The following GRIK3 variants were observed in gnomAD, a reference collection of about 807,000 sequenced individuals.
GRIK3 encodes glutamate receptor ionotropic, kainate 3.
In GRIK3, 29 loss-of-function variants were observed where a neutral mutation model predicts 102.5. The observed-to-expected ratio is 0.28, with a 90% CI of 0.21 to 0.39. GRIK3 has a LOEUF of 0.39. Among genes scored for constraint, GRIK3 ranks in the 10% least tolerant of loss-of-function variants. The pLI, the probability that GRIK3 is intolerant of heterozygous loss-of-function variation, is 1.00. For synonymous variants in GRIK3, 511 were observed against 504.9 expected (o/e 1.01, Z -0.16); for missense variants, 908 against 1,252.4 (o/e 0.73, Z 4.15).
At chr1:37,015,519 C>A (rs925402919) in intron 1 of GRIK3, among the ~76,000 whole-genome samples, 1 of 152,190 alleles carries the variant, frequency 6.6e-6, no homozygotes, top group African/African-American at 2.4e-5. Flanking sequence ...GCTGGGGAGC[C>A]AGTGCTTTGT....
intron 1 of GRIK3, among the ~76,000 whole-genome samples, chr1:36,916,906 A>G (rs563157902): frequency 6.6e-6 from 1 of 152,304 alleles, no homozygotes; most frequent in South Asian, 2.1e-4. Flanking sequence ...AGCTATGAGA[A>G]GAGGGCCACC....
intron 9 of GRIK3, among the ~76,000 whole-genome samples, chr1:36,847,246 G>T (rs1299770690): frequency 6.6e-6 from 1 of 152,116 alleles, no homozygotes; most frequent in Admixed American, 6.5e-5. Context: ...AGGAGACTAG[G>T]ACTATGAGGG....
intron 8 of GRIK3, among the ~76,000 whole-genome samples, chr1:36,852,394 G>A (rs1640595844): frequency 6.6e-6 from 1 of 152,214 alleles, no homozygotes; most frequent in Non-Finnish European, 1.5e-5. Context: ...GTGGGCAATG[G>A]CCTGGAGGTC....
intron 15 of GRIK3, among the ~76,000 whole-genome samples, chr1:36,803,344 G>A (rs1344207327): frequency 1.3e-5 from 2 of 152,302 alleles, no homozygotes; most frequent in South Asian, 2.1e-4. Flanking sequence ...AGGAGAGTGA[G>A]GGAAGGAAGT....
At chr1:36,950,502 T>A (rs1400009855) in intron 1 of GRIK3, among the ~76,000 whole-genome samples, 2 of 152,212 alleles carry the variant, frequency 1.3e-5, no homozygotes, top group Admixed American at 1.3e-4. Context: ...TTTAAGCCCA[T>A]CTTTCCACAC....
intron 1 of GRIK3, among the ~76,000 whole-genome samples, chr1:36,974,714 G>C (rs1642177013): frequency 6.6e-6 from 1 of 151,690 alleles, no homozygotes. Flanking sequence ...GCAGGAGAAT[G>C]GTGTGGACCC....
intron 1 of GRIK3, among the ~76,000 whole-genome samples, chr1:36,991,572 A>G (rs1642363576): frequency 6.6e-6 from 1 of 152,218 alleles, no homozygotes; most frequent in Admixed American, 6.5e-5. Flanking sequence ...TGTGAAAAGC[A>G]ACGTGCCTAC....
intron 5 of GRIK3, among the ~76,000 whole-genome samples, chr1:36,865,744 A>G (rs1415859929): frequency 1.3e-5 from 2 of 152,246 alleles, no homozygotes; most frequent in Non-Finnish European, 2.9e-5. Context: ...GTCAGGAGCC[A>G]AGGCCTCTTG....
intron 2 of GRIK3, among the ~76,000 whole-genome samples, chr1:36,884,608 C>A (rs1473611309): frequency 6.6e-6 from 1 of 152,168 alleles, no homozygotes; most frequent in Admixed American, 6.5e-5. Context: ...GCCGTGGGCA[C>A]CCTGTAAACC....
intron 1 of GRIK3, among the ~76,000 whole-genome samples, chr1:36,984,987 C>A (rs775133899): frequency 2.0e-4 from 31 of 152,116 alleles, no homozygotes; most frequent in Non-Finnish European, 2.9e-5. Context: ...TGGGCAGGGA[C>A]CAGCACAGTG....
At chr1:37,002,232 A>G (rs1642485487) in intron 1 of GRIK3, among the ~76,000 whole-genome samples, 2 of 152,194 alleles carry the variant, frequency 1.3e-5, no homozygotes, top group South Asian at 4.1e-4. Flanking sequence ...AACAAAGAAA[A>G]AATTAGATTT....
intron 1 of GRIK3, among the ~76,000 whole-genome samples, chr1:37,033,206 C>T (rs1286377413): frequency 2.0e-5 from 3 of 152,264 alleles, no homozygotes; most frequent in Admixed American, 2.0e-4. Flanking sequence ...CGCGGAGAAG[C>T]CGGAGCCCCG....
In GRIK3 at chr1:36,825,671, G is replaced by A; in HGVS notation, c.1686C>T (p.Ser562=). 1 of 1,613,292 alleles carries A rather than the reference G, an allele frequency of 6.2e-7. No individual in the cohort carries two copies. Among genetic ancestry groups the A allele is most frequent in the Non-Finnish European group, 8.5e-7 (1 of 1,179,636 alleles). ...PSVFSFLNPL[S]PDIWMYVLLA... The stretch of plus-strand genomic sequence containing the variant: ...GGAGAACATACATCCAGATGTCTGG[G>A]GACAGGGGATTGAGGAAGGAGAAGA... The change falls in exon 11 of 16, where the codon TCC becomes TCT. Residue 562 remains serine, a synonymous_variant. Coordinates refer to ENST00000373091, the MANE Select transcript of GRIK3 (RefSeq NM_000831.4).
Position 36,802,058 on chromosome 1 carries a change from G to A in GRIK3, c.2566-13C>T. 1.3e-6 allele frequency: 2 copies of A among 1,591,966 alleles called. No homozygotes were observed. The highest frequency in any genetic ancestry group is 8.6e-7 in the Non-Finnish European group (1 of 1,167,726). ...TGCAGAAGGAACGCTGCAGGAGGGTGGAGGAGAGGGGTCGGAAAAGGGGCA... is the reference window on the plus strand; with the variant it reads ...TGCAGAAGGAACGCTGCAGGAGGGTAGAGGAGAGGGGTCGGAAAAGGGGCA... On this transcript the variant is annotated splice_polypyrimidine_tract_variant and intron_variant, in intron 15 of 15. Transcript: ENST00000373091.
At chr1:36,954,922 C>G (rs764847012) in intron 1 of GRIK3, among the ~76,000 whole-genome samples, 2 of 152,338 alleles carry the variant, frequency 1.3e-5, no homozygotes, top group South Asian at 4.1e-4. Context: ...TGCACATGCA[C>G]GTTCACACAC....
chr1:36,850,219 TGG>T lies in GRIK3; in HGVS notation c.1326+90_1326+91del, dbSNP rs1419141031. 1 of 776,390 alleles carries T rather than the reference TGG, an allele frequency of 1.3e-6. No individual in the cohort carries two copies. Among genetic ancestry groups the T allele is most frequent in the African/African-American group, 1.7e-5 (1 of 58,794 alleles). 48.1% of individuals were successfully genotyped at this position (776,390 alleles called of 1,614,324 possible). A position where few individuals can be genotyped will look rare whatever the true frequency, so the allele number is the denominator to read the frequency against. On this transcript the variant is annotated intron_variant, in intron 9 of 15. Coordinates refer to ENST00000373091, the MANE Select transcript of GRIK3 (RefSeq NM_000831.4). The surrounding 1 kb of genome is among the most constrained non-coding windows in gnomAD (Gnocchi z 4.0). ...CCACCTACCTGCAGCCTCCATCTTC[TGG>T]GTGGGGGGGATAGAGGGGACTCTCC...
intron 3 of GRIK3, among the ~76,000 whole-genome samples, chr1:36,878,822 G>T (rs1392464106): frequency 6.6e-6 from 1 of 152,206 alleles, no homozygotes; most frequent in Non-Finnish European, 1.5e-5. Flanking sequence ...CATCGCTCCA[G>T]GGAGTTACTA....
intron 1 of GRIK3, among the ~76,000 whole-genome samples, chr1:36,928,492 C>T (rs1014867617): frequency 6.6e-6 from 1 of 152,226 alleles, no homozygotes; most frequent in African/African-American, 2.4e-5. Context: ...ATGTCCTTAG[C>T]TTTGGAGTTA....
chr1:36,973,893 T>A (rs1467588039), intron 1 of GRIK3, among the ~76,000 whole-genome samples: 1 of 152,166 alleles, frequency 6.6e-6, no homozygotes, highest in Non-Finnish European at 1.5e-5. Context: ...TTGTCTCACC[T>A]GAATTTTGGG....
Sources: allele counts gnomAD v4.1 joint callset (sites outside exome capture counted in the v4.1 genomes callset), GRCh38; gene constraint gnomAD v4.1.1; non-coding constraint Gnocchi (gnomAD v3.1); transcripts MANE v1.5; gene names NCBI Gene and HGNC (gene_info 2026-07-23, HGNC 2026-07-21).